WRAP53: variants seen among roughly 807,000 people sequenced by gnomAD.
WRAP53 encodes the protein telomerase Cajal body protein 1.
Under a neutral mutation model 56.6 loss-of-function variants are expected in WRAP53, and 28 were observed. The observed-to-expected ratio is 0.50, with a 90% CI of 0.37 to 0.68. WRAP53 has a LOEUF of 0.68. Ranked by LOEUF, WRAP53 falls within the 30% of genes least tolerant of loss-of-function variation. The pLI is 0.00. For missense variants in WRAP53, 671 were observed against 715.5 expected, an observed-to-expected ratio of 0.94 and a Z score of 0.71; for synonymous variants, 283 against 283.4, an observed-to-expected ratio of 1.00 and a Z score of 0.01.
chr17:7,703,192 G>A (rs763586018), intron 10 of WRAP53, 51 bp from the exon 11 acceptor site: 11 of 1,613,200 alleles, frequency 6.8e-6, no homozygotes, highest in Non-Finnish European at 9.3e-6. Flanking sequence ...CCCAGAGGGA[G>A]CAAGTGTCCT....
At chr17:7,700,051 T>G (rs1163426085) in intron 4 of WRAP53, among the ~76,000 whole-genome samples, 1 of 151,352 alleles carries the variant, frequency 6.6e-6, no homozygotes, top group East Asian at 1.9e-4. Flanking sequence ...TTTTCTTTTC[T>G]TTTTCTTTTT....
chr17:7,696,347 G>A (rs12938947), intron 4 of WRAP53, among the ~76,000 whole-genome samples: 19,810 of 133,612 alleles, frequency 0.15, 1,702 homozygotes, highest in East Asian at 0.32. Flanking sequence ...CGCCCAGGCT[G>A]GAGTGCAGTG....
chr17:7,688,501 C>G lies in WRAP53; in HGVS notation c.-62C>G. 1.2e-6 allele frequency: 1 copy of G among 808,000 alleles called. No homozygotes were observed. Among genetic ancestry groups the G allele is most frequent in the Non-Finnish European group, 1.9e-6 (1 of 518,496 alleles). 50.1% of individuals were successfully genotyped at this position (808,000 alleles called of 1,614,324 possible). A position where few individuals can be genotyped will look rare whatever the true frequency, so the allele number is the denominator to read the frequency against. On this transcript the variant is annotated 5_prime_UTR_variant, in exon 1 of 11. Coordinates refer to ENST00000396463, the MANE Select transcript of WRAP53 (RefSeq NM_001143992.2). The stretch of plus-strand genomic sequence containing the variant: ...CAGTGCTTTCAAAAGAATTGGCGTC[C>G]GCTGTTCGCCTCTCCTCCCGGGAGT...
chr17:7,689,610 T>A lies in WRAP53; in HGVS notation c.551T>A (p.Ile184Asn), dbSNP rs765650726. The change falls in exon 4 of 11, where the codon ATC (isoleucine) becomes AAC (asparagine). Residue 184 changes from isoleucine (I) to asparagine (N), a missense_variant. By Grantham distance (149) the Ile-to-Asn change is moderately radical. Around this residue, in one of 3 missense-constraint regions of WRAP53, gnomAD observed 406 missense variants for 418.5 expected, o/e 0.97. Transcript: ENST00000396463. ...TCTAGGGCTCCTGACGGTTCCTGCA[T>A]CTTGACCAATAGTGCTGATAACATC... ...GCKWAPDGSC[I>N]LTNSADNILR... The A allele has an allele frequency of 1.9e-6, 3 of 1,614,028 alleles. No homozygotes were observed. Among genetic ancestry groups the A allele is most frequent in the Non-Finnish European group, 2.5e-6 (3 of 1,180,030 alleles).
In WRAP53 at chr17:7,689,719, C is replaced by A. The variant is rs770340314; in HGVS notation, c.642+18C>A. ...CAGAAATGGTAAGGACTGGGGCTAA[C>A]TGCCTCTTCATCAATGCTGCACATT... On this transcript the variant is annotated intron_variant, in intron 4 of 10. Coordinates refer to ENST00000396463, the MANE Select transcript of WRAP53 (RefSeq NM_001143992.2). 5 of 1,584,928 alleles carry A rather than the reference C, an allele frequency of 3.2e-6. No individual in the cohort carries two copies. The Admixed American group carries it at 8.3e-5, about 26-fold the overall frequency.
chr17:7,701,097 T>C lies in WRAP53; in HGVS notation c.731+268T>C, dbSNP rs971690062. Among the ~76,000 whole-genome samples the C allele has an allele frequency of 2.0e-5, 3 of 152,080 alleles. No homozygotes were observed. Among genetic ancestry groups the C allele is most frequent in the Non-Finnish European group, 4.4e-5 (3 of 67,984 alleles). ...AAGTGATTCTCCTGCCTCAGCCTCC[T>C]GAGTAGCTGGGATTACAGGTGTGCA... On this transcript the variant is annotated intron_variant, in intron 5 of 10. Coordinates refer to ENST00000396463, the MANE Select transcript of WRAP53 (RefSeq NM_001143992.2). This position sits in a 1 kb window ranked among gnomAD's most constrained non-coding sequence, Gnocchi z 4.2.
At chr17:7,691,298 G>A (rs1020347963) in intron 4 of WRAP53, among the ~76,000 whole-genome samples, 4 of 152,118 alleles carry the variant, frequency 2.6e-5, no homozygotes, top group Admixed American at 2.6e-4. Context: ...CAAGTGAGGG[G>A]GACAGAGGGG....
In WRAP53 at chr17:7,703,226, C is replaced by G; in HGVS notation, c.1404-17C>G. 2 of 1,613,280 alleles carry G rather than the reference C, an allele frequency of 1.2e-6. No homozygotes were observed. The highest frequency in any genetic ancestry group is 1.7e-6 in the Non-Finnish European group (2 of 1,180,020). ...CTCACTGAAGGCACTGATAGACCCT[C>G]CCCATCTCTCCCTCAGCCTGCACCC... On this transcript the variant is annotated splice_polypyrimidine_tract_variant and intron_variant, in intron 10 of 10. Transcript: ENST00000396463.
chr17:7,692,034 G>A (rs530395576), intron 4 of WRAP53, among the ~76,000 whole-genome samples: 4 of 151,256 alleles, frequency 2.6e-5, no homozygotes, highest in South Asian at 2.1e-4. Flanking sequence ...AGAGATGGGG[G>A]GTTCATCATA....
At chr17:7,692,693 G>A (rs1417574065) in intron 4 of WRAP53, among the ~76,000 whole-genome samples, 7 of 144,306 alleles carry the variant, frequency 4.9e-5, no homozygotes, top group Admixed American at 4.2e-4. Flanking sequence ...TGCCTCCATC[G>A]CTTCCTGAAA....
intron 4 of WRAP53, among the ~76,000 whole-genome samples, chr17:7,690,930 C>T (rs1334392829): frequency 2.0e-5 from 3 of 147,402 alleles, no homozygotes; most frequent in Non-Finnish European, 4.5e-5. Context: ...ACAAAACAGA[C>T]TGGGCTCAGT....
intron 4 of WRAP53, among the ~76,000 whole-genome samples, chr17:7,699,528 A>ATATT (rs2074246789): frequency 1.5e-5 from 1 of 65,910 alleles, no homozygotes; most frequent in African/African-American, 6.1e-5. Context: ...ATATTTATAT[A>ATATT]TATATATATA....
rs761422567 is a variant in WRAP53, at chr17:7,701,851, C to T, written c.955+62C>T. 4 of 1,578,160 alleles carry T rather than the reference C, an allele frequency of 2.5e-6. No homozygotes were observed. In the African/African-American group the frequency reaches 5.4e-5, roughly 21 times the overall value. On this transcript the variant is annotated intron_variant, in intron 7 of 10. Transcript: ENST00000396463. This position sits in a 1 kb window ranked among gnomAD's most constrained non-coding sequence, Gnocchi z 4.2. ...AGGGCACTGCCACCTGCACAGGGGC[C>T]TTTTGTGAGCCGGGGGCCACCTGTG...
At chr17:7,688,291 C>T, upstream of WRAP53, 1 of 308,528 alleles carries the variant, frequency 3.2e-6, no homozygotes. Flanking sequence ...CTACAACTCC[C>T]AGCAGCCACG....
chr17:7,701,727 G>A lies in WRAP53; in HGVS notation c.893G>A (p.Arg298Gln), dbSNP rs560038082. 2.4e-5 allele frequency: 39 copies of A among 1,614,174 alleles called. No individual in the cohort carries two copies. The Admixed American group carries it at 5.3e-4, about 22-fold the overall frequency. ...TCCCAGCTCTTCTGTGGCTTCAACCGGACTGTGCGTGTTTTTTCCACGGCC... is the reference window on the plus strand; with the variant it reads ...TCCCAGCTCTTCTGTGGCTTCAACCAGACTGTGCGTGTTTTTTCCACGGCC... ...DGSQLFCGFN[R>Q]TVRVFSTARP... The change falls in exon 7 of 11, where the codon CGG becomes CAG. Residue 298 changes from arginine (R) to glutamine (Q), a missense_variant. Arg to Gln is a conservative substitution (Grantham distance 43). Transcript: ENST00000396463. This position sits in a 1 kb window ranked among gnomAD's most constrained non-coding sequence, Gnocchi z 4.2.
intron 4 of WRAP53, among the ~76,000 whole-genome samples, chr17:7,699,256 C>G (rs1378316788): frequency 6.7e-6 from 1 of 149,450 alleles, no homozygotes; most frequent in Non-Finnish European, 1.5e-5. Context: ...CCTGTCTATA[C>G]TAAAAATACA....
rs2074284247 is a variant in WRAP53 at position 7,702,205 on chromosome 17, G to A, written c.956-139G>A. 3.2e-6 allele frequency: 3 copies of A among 933,756 alleles called. No homozygotes were observed. In the Admixed American group the frequency reaches 6.0e-5, roughly 19 times the overall value. 57.8% of individuals were successfully genotyped at this position (933,756 alleles called of 1,614,324 possible). A position where few individuals can be genotyped will look rare whatever the true frequency, so the allele number is the denominator to read the frequency against. On this transcript the variant is annotated intron_variant, in intron 7 of 10. Coordinates refer to ENST00000396463, the MANE Select transcript of WRAP53 (RefSeq NM_001143992.2). The surrounding 1 kb of genome is among the most constrained non-coding windows in gnomAD (Gnocchi z 5.0). ...GATGTGGGGAGCATCAGAGGTCTTT[G>A]TCCTGCTTGTGACAGACAGCATGGG...
Position 7,688,559 on chromosome 17 carries a change from C to T in WRAP53, c.-4C>T, listed in dbSNP as rs932258006. The T allele has an allele frequency of 4.2e-6, 6 of 1,422,614 alleles. No homozygotes were observed. The highest frequency in any genetic ancestry group is 1.4e-5 in the African/African-American group (1 of 70,342). The allele number at this position is 1,422,614 out of a possible 1,614,324, so 88.1% of individuals were successfully genotyped here. A position where few individuals can be genotyped will look rare whatever the true frequency, so the allele number is the denominator to read the frequency against. ...CTACTCCCAGAAGAGGAGGGAAGCA[C>T]AGGTGGGTTTCTTTAGCTCTGCGTC... On this transcript the variant is annotated splice_region_variant and 5_prime_UTR_variant, in exon 1 of 11. Transcript: ENST00000396463.
Position 7,702,475 on chromosome 17 carries a change from C to T in WRAP53, c.1087C>T (p.Leu363=), listed in dbSNP as rs2074288169. The T allele has an allele frequency of 6.2e-7, 1 of 1,613,776 alleles. No individual in the cohort carries two copies. The highest frequency in any genetic ancestry group is 1.7e-5 in the Admixed American group (1 of 59,988). Residue 363 remains leucine (L), a synonymous_variant, in exon 8 of 11, where the codon CTG becomes TTG. Transcript: ENST00000396463. This position sits in a 1 kb window ranked among gnomAD's most constrained non-coding sequence, Gnocchi z 5.0. ...AWDDGSPLAL[L]GGHQGGITHL... Reference sequence around the variant, plus strand: ...GGATGATGGCTCCCCTCTCGCCTTGCTGGGAGGGCACCAAGGGGGCATCAC... The same window carrying T: ...GGATGATGGCTCCCCTCTCGCCTTGTTGGGAGGGCACCAAGGGGGCATCAC...
Sources: gnomAD v4.1 joint callset for allele counts (sites outside exome capture counted in the v4.1 genomes callset) on GRCh38, gnomAD v4.1.1 for gene constraint, gnomAD v4.1.1 regional missense constraint, Gnocchi (gnomAD v3.1) non-coding constraint, MANE v1.5 for transcripts, NCBI Gene and HGNC (gene_info 2026-07-23, HGNC 2026-07-21) for gene names.